Variants in CPA6 observed in about 807,000 individuals in gnomAD.
CPA6 encodes the protein carboxypeptidase B.
A neutral mutation model predicts 63.3 loss-of-function variants in CPA6; 58 were observed. That is an observed-to-expected ratio of 0.92 (90% CI 0.74 to 1.14). The LOEUF (loss-of-function observed/expected upper bound fraction) is 1.14. Ranked by LOEUF, CPA6 falls within the 50% of genes most tolerant of loss-of-function variation. CPA6 has a pLI of 0.00. For missense variants in CPA6, 565 were observed against 526.6 expected (o/e 1.07, Z -0.71); for synonymous variants, 185 against 179.0 (o/e 1.03, Z -0.27).
intron 8 of CPA6, 83 bp downstream of exon 8, chr8:67,483,685 A>C: frequency 9.0e-7 from 1 of 1,105,508 alleles, no homozygotes; most frequent in African/African-American, 1.5e-5. Context: ...TGAGTCTCCC[A>C]TGAGAGTCCT....
chr8:67,734,716 C>T (rs1774415067), intron 1 of CPA6, among the ~76,000 whole-genome samples: 1 of 152,186 alleles, frequency 6.6e-6, no homozygotes, highest in Non-Finnish European at 1.5e-5. Flanking sequence ...AAATATATTG[C>T]TATCACATCA....
At chr8:67,702,585 T>C (rs1817049135) in intron 1 of CPA6, among the ~76,000 whole-genome samples, 1 of 152,118 alleles carries the variant, frequency 6.6e-6, no homozygotes, top group Non-Finnish European at 1.5e-5. Flanking sequence ...CAATAAGATC[T>C]TAGAAGTTGG....
intron 10 of CPA6, among the ~76,000 whole-genome samples, chr8:67,423,399 T>C (rs1809812014): frequency 6.6e-6 from 1 of 152,208 alleles, no homozygotes; most frequent in African/African-American, 2.4e-5. Context: ...AAAACCTCCT[T>C]ATTTCTTCCA....
chr8:67,723,744 G>A (rs908413621), intron 1 of CPA6, among the ~76,000 whole-genome samples: 1 of 151,824 alleles, frequency 6.6e-6, no homozygotes, highest in Non-Finnish European at 1.5e-5. Flanking sequence ...TCCTTATACT[G>A]TGTACAAAAA....
chr8:67,569,130 C>A (rs371012903), intron 2 of CPA6, among the ~76,000 whole-genome samples: 1 of 152,018 alleles, frequency 6.6e-6, no homozygotes, highest in African/African-American at 2.4e-5. Flanking sequence ...ACAGGGAGTA[C>A]AAAAGTCCCA....
intron 8 of CPA6, among the ~76,000 whole-genome samples, chr8:67,453,123 G>T (rs1366413297): frequency 1.3e-5 from 2 of 151,806 alleles, no homozygotes; most frequent in African/African-American, 2.4e-5. Context: ...GTCTGTGTGG[G>T]TGGCAGGGGG....
At chr8:67,589,653 C>T (rs1814052096) in intron 2 of CPA6, among the ~76,000 whole-genome samples, 1 of 152,156 alleles carries the variant, frequency 6.6e-6, no homozygotes, top group South Asian at 2.1e-4. Flanking sequence ...TTATAAACAT[C>T]CTTGCTATAA....
intron 1 of CPA6, among the ~76,000 whole-genome samples, chr8:67,736,954 A>G (rs989481793): frequency 1.3e-5 from 2 of 152,032 alleles, no homozygotes; most frequent in African/African-American, 4.8e-5. Flanking sequence ...TTTTCTTCTG[A>G]TGTCACTGCC....
At chr8:67,515,790 C>G (rs573578001) in intron 3 of CPA6, among the ~76,000 whole-genome samples, 55 of 152,186 alleles carry the variant, frequency 3.6e-4, no homozygotes, top group Non-Finnish European at 7.5e-4. Context: ...CTTCAATAAT[C>G]TCTGTGGCTA....
At chr8:67,695,724 T>C (rs1191700728) in intron 1 of CPA6, among the ~76,000 whole-genome samples, 2 of 152,330 alleles carry the variant, frequency 1.3e-5, no homozygotes. Context: ...GTGCCAGCTA[T>C]GTGTTAATAC....
rs117739658 is a variant in CPA6 at position 67,723,411 on chromosome 8, C to A, written c.116+22603G>T. Among the ~76,000 whole-genome samples, 214 of 152,298 alleles carry A rather than the reference C, an allele frequency of 1.4e-3. 4 individuals carry two copies. The East Asian group carries it at 0.034, about 24-fold the overall frequency. On this transcript the variant is annotated intron_variant, in intron 1 of 10. Coordinates refer to ENST00000297770, the MANE Select transcript of CPA6 (RefSeq NM_020361.5). The stretch of plus-strand genomic sequence containing the variant: ...CAACCTCCTAGGCTCAAGGAATCAA[C>A]CCTCTTTGGCCTCCCAAAGTGTTAG...
intron 8 of CPA6, among the ~76,000 whole-genome samples, chr8:67,482,825 C>T (rs1476013332): frequency 6.6e-6 from 1 of 152,172 alleles, no homozygotes; most frequent in Non-Finnish European, 1.5e-5. Context: ...TATTTTAGAG[C>T]CATATTCTTT....
chr8:67,703,913 A>C, intron 1 of CPA6, among the ~76,000 whole-genome samples: 1 of 149,808 alleles, frequency 6.7e-6, no homozygotes, highest in Non-Finnish European at 1.5e-5. Flanking sequence ...TAAGGACCCC[A>C]CTTACATGCT....
intron 1 of CPA6, among the ~76,000 whole-genome samples, chr8:67,701,833 A>G (rs918484549): frequency 6.6e-6 from 1 of 152,236 alleles, no homozygotes; most frequent in Admixed American, 6.5e-5. Context: ...TATAAAGAGC[A>G]GAATGTTTTT....
chr8:67,571,008 T>A (rs767920846), intron 2 of CPA6, among the ~76,000 whole-genome samples: 7 of 152,164 alleles, frequency 4.6e-5, no homozygotes, highest in Non-Finnish European at 7.4e-5. Context: ...AAAAAAGATA[T>A]TTCACAAAAA....
intron 2 of CPA6, among the ~76,000 whole-genome samples, chr8:67,574,042 A>T (rs1813559111): frequency 6.6e-6 from 1 of 152,096 alleles, no homozygotes; most frequent in African/African-American, 2.4e-5. Context: ...GATTTAATGC[A>T]ATTCATGTGA....
intron 5 of CPA6, among the ~76,000 whole-genome samples, chr8:67,508,239 G>C (rs1361386527): frequency 6.6e-6 from 1 of 152,054 alleles, no homozygotes; most frequent in Non-Finnish European, 1.5e-5. Context: ...AACTGGGGCA[G>C]ATATAAAATA....
At chr8:67,476,239 G>A (rs1438741185) in intron 8 of CPA6, among the ~76,000 whole-genome samples, 1 of 152,084 alleles carries the variant, frequency 6.6e-6, no homozygotes, top group Non-Finnish European at 1.5e-5. Flanking sequence ...CTGGCCTCAA[G>A]TGATCTGCCC....
At chr8:67,612,196 G>A (rs1040456894) in intron 2 of CPA6, among the ~76,000 whole-genome samples, 5 of 152,140 alleles carry the variant, frequency 3.3e-5, no homozygotes, top group Non-Finnish European at 7.3e-5. Flanking sequence ...TGGAAGAAGG[G>A]AAGGAGGAAA....
Sources: allele counts gnomAD v4.1 joint callset (sites outside exome capture counted in the v4.1 genomes callset), GRCh38; gene constraint gnomAD v4.1.1; transcripts MANE v1.5; gene names NCBI Gene and HGNC (gene_info 2026-07-23, HGNC 2026-07-21).